ABTB3: variants seen among roughly 807,000 people sequenced by gnomAD.
ABTB3 encodes ankyrin repeat- and BTB/POZ domain-containing protein 3.
chr12:107,543,516 A>T, the ABTB3 span, among the ~76,000 whole-genome samples: 1 of 152,024 alleles, frequency 6.6e-6, no homozygotes, highest in Admixed American at 6.6e-5. Flanking sequence ...GGACAGAGGG[A>T]ATAGCATATG....
chr12:107,500,417 C>A, the ABTB3 span, among the ~76,000 whole-genome samples: 22 of 152,322 alleles, frequency 1.4e-4, no homozygotes, highest in East Asian at 2.7e-3. Flanking sequence ...CCAAGATAGG[C>A]TGCTGCCCTT....
the ABTB3 span, among the ~76,000 whole-genome samples, chr12:107,331,463 G>T: frequency 6.6e-6 from 1 of 152,224 alleles, no homozygotes; most frequent in South Asian, 2.1e-4. Flanking sequence ...GCGGGGTGAG[G>T]TCCAGGGCGG....
chr12:107,416,143 C>T, the ABTB3 span, among the ~76,000 whole-genome samples: 2 of 152,250 alleles, frequency 1.3e-5, no homozygotes, highest in South Asian at 4.2e-4. Flanking sequence ...TGCTTGCCCA[C>T]GTGTCATGAC....
chr12:107,393,799 A>C, the ABTB3 span, among the ~76,000 whole-genome samples: 58 of 152,204 alleles, frequency 3.8e-4, no homozygotes, highest in African/African-American at 1.4e-3. Flanking sequence ...GGATGGTGGC[A>C]GGCGCCTGTA....
At chr12:107,427,528 G>A in the ABTB3 span, among the ~76,000 whole-genome samples, 1 of 152,122 alleles carries the variant, frequency 6.6e-6, no homozygotes, top group African/African-American at 2.4e-5. Context: ...TCATGGGTGT[G>A]AGCCACGGTG....
chr12:107,489,765 T>C, the ABTB3 span, among the ~76,000 whole-genome samples: 20 of 152,044 alleles, frequency 1.3e-4, no homozygotes, highest in Non-Finnish European at 2.8e-4. Flanking sequence ...AACATTGTCT[T>C]TTTTTGTTTT....
chr12:107,482,966 TTC>T, the ABTB3 span, among the ~76,000 whole-genome samples: 8 of 69,580 alleles, frequency 1.1e-4, 1 homozygote, highest in African/African-American at 4.4e-4. Flanking sequence ...CTTTCTTTCT[TTC>T]TTTCTTTCTT....
chr12:107,440,803 C>T, the ABTB3 span, among the ~76,000 whole-genome samples: 20 of 152,158 alleles, frequency 1.3e-4, no homozygotes, highest in African/African-American at 3.9e-4. Context: ...GTGGAAGGGG[C>T]GAGGCCCACC....
the ABTB3 span, chr12:107,318,889 G>T: frequency 2.0e-6 from 3 of 1,514,728 alleles, no homozygotes; most frequent in Non-Finnish European, 2.7e-6. Context: ...GCTGCTCCTC[G>T]CCGCTCCTTC....
At chr12:107,630,379 A>T in the ABTB3 span, among the ~76,000 whole-genome samples, 1 of 152,150 alleles carries the variant, frequency 6.6e-6, no homozygotes, top group African/African-American at 2.4e-5. Context: ...AAGTGTAGGG[A>T]GCCCCCTGAT....
the ABTB3 span, among the ~76,000 whole-genome samples, chr12:107,548,471 C>A: frequency 3.3e-5 from 5 of 152,180 alleles, no homozygotes; most frequent in Non-Finnish European, 5.9e-5. Context: ...CACCATTTTA[C>A]CATTTCATGT....
At chr12:107,396,308 A>G in the ABTB3 span, among the ~76,000 whole-genome samples, 2 of 152,218 alleles carry the variant, frequency 1.3e-5, no homozygotes, top group Admixed American at 6.5e-5. Context: ...CCCTGCCTGC[A>G]CTGAACTTTA....
At chr12:107,392,514 T>G in the ABTB3 span, among the ~76,000 whole-genome samples, 23 of 152,282 alleles carry the variant, frequency 1.5e-4, no homozygotes, top group Middle Eastern at 6.8e-3. Context: ...TGGGCCCAGA[T>G]CGTTCTCATT....
At chr12:107,335,568 TTA>T in the ABTB3 span, among the ~76,000 whole-genome samples, 7 of 152,100 alleles carry the variant, frequency 4.6e-5, no homozygotes, top group African/African-American at 1.7e-4. Flanking sequence ...TGTATCTGTT[TTA>T]TATATACTGG....
At chr12:107,534,164 A>G in the ABTB3 span, among the ~76,000 whole-genome samples, 3 of 152,064 alleles carry the variant, frequency 2.0e-5, no homozygotes, top group South Asian at 6.2e-4. Flanking sequence ...ACAACTGTGA[A>G]TAGCCACTTC....
chr12:107,484,921 C>T, the ABTB3 span, among the ~76,000 whole-genome samples: 1 of 152,072 alleles, frequency 6.6e-6, no homozygotes, highest in African/African-American at 2.4e-5. Flanking sequence ...GGGGACAGGG[C>T]AGAGATCAGC....
the ABTB3 span, among the ~76,000 whole-genome samples, chr12:107,379,284 C>G: frequency 6.6e-6 from 1 of 151,984 alleles, no homozygotes. Context: ...TGTCTGTGTC[C>G]CCACCTAAAT....
chr12:107,323,514 T>A, the ABTB3 span, among the ~76,000 whole-genome samples: 1 of 152,194 alleles, frequency 6.6e-6, no homozygotes, highest in Non-Finnish European at 1.5e-5. Context: ...AACTGGAGTT[T>A]TGTGTTGATT....
chr12:107,649,145 C>T, the ABTB3 span: 3 of 1,477,346 alleles, frequency 2.0e-6, no homozygotes, highest in Non-Finnish European at 2.8e-6. Flanking sequence ...GGGGCATCCA[C>T]CGAATGGCTT....
Sources: gnomAD v4.1 joint callset for allele counts (sites outside exome capture counted in the v4.1 genomes callset) on GRCh38, gnomAD v4.1.1 for gene constraint, MANE v1.5 for transcripts, NCBI Gene and HGNC (gene_info 2026-07-23, HGNC 2026-07-21) for gene names.